SCHIP1: variants seen among roughly 807,000 people sequenced by gnomAD.
The protein encoded by SCHIP1 is schwannomin interacting protein 1.
SCHIP1 carries 8 observed loss-of-function variants against 29.7 expected under a neutral mutation model. That is an observed-to-expected ratio of 0.27 (90% CI 0.16 to 0.49). The LOEUF is 0.49. Ranked by LOEUF, SCHIP1 falls within the 20% of genes least tolerant of loss-of-function variation. SCHIP1 has a pLI of 0.99. For synonymous variants in SCHIP1, 76 were observed against 94.9 expected, an observed-to-expected ratio of 0.80 and a Z score of 1.16; for missense variants, 193 against 294.6, an observed-to-expected ratio of 0.66 and a Z score of 2.52.
the SCHIP1 span, among the ~76,000 whole-genome samples, chr3:159,793,216 AGTGTGTGTACTCTT>A: frequency 6.6e-6 from 1 of 152,112 alleles, no homozygotes; most frequent in Admixed American, 6.5e-5. Context: ...CCCTAGCATT[AGTGTGTGTACTCTT>A]GTGTGTGCAC....
the SCHIP1 span, among the ~76,000 whole-genome samples, chr3:159,728,004 T>G: frequency 3.5e-5 from 5 of 144,812 alleles, no homozygotes; most frequent in African/African-American, 1.0e-4. Context: ...CTGTTTTTGT[T>G]TTTTTTTTTT....
the SCHIP1 span, among the ~76,000 whole-genome samples, chr3:159,320,853 T>TA: frequency 3.3e-3 from 462 of 138,650 alleles, 2 homozygotes; most frequent in East Asian, 6.6e-3. Context: ...TTCTGTCATC[T>TA]AAAAAAAAAA....
the SCHIP1 span, among the ~76,000 whole-genome samples, chr3:159,548,519 C>G: frequency 6.6e-6 from 1 of 151,786 alleles, no homozygotes; most frequent in African/African-American, 2.4e-5. Flanking sequence ...CAATCTCTAT[C>G]TTCTTTTAGA....
At chr3:159,602,062 G>A in the SCHIP1 span, among the ~76,000 whole-genome samples, 1 of 152,182 alleles carries the variant, frequency 6.6e-6, no homozygotes, top group Non-Finnish European at 1.5e-5. Context: ...CCACCCATCT[G>A]GTATCAGGGA....
chr3:159,573,228 A>G, the SCHIP1 span, among the ~76,000 whole-genome samples: 2 of 152,286 alleles, frequency 1.3e-5, no homozygotes, highest in South Asian at 4.1e-4. Context: ...ACAATTTGGC[A>G]TGTTTTTGCA....
chr3:159,465,835 T>C, the SCHIP1 span, among the ~76,000 whole-genome samples: 1 of 152,236 alleles, frequency 6.6e-6, no homozygotes, highest in East Asian at 1.9e-4. Flanking sequence ...TATTGTGAAA[T>C]AGAAGATGAA....
chr3:159,595,269 A>G, the SCHIP1 span, among the ~76,000 whole-genome samples: 34 of 152,142 alleles, frequency 2.2e-4, no homozygotes, highest in Non-Finnish European at 2.6e-4. Flanking sequence ...CTATCAAATC[A>G]AGGAATTGGA....
At chr3:159,692,076 C>T in the SCHIP1 span, among the ~76,000 whole-genome samples, 7 of 136,998 alleles carry the variant, frequency 5.1e-5, no homozygotes, top group African/African-American at 1.4e-4. Context: ...GGCCGGACTG[C>T]GGACTGCAGT....
At chr3:159,443,661 A>G in the SCHIP1 span, among the ~76,000 whole-genome samples, 4,021 of 152,074 alleles carry the variant, frequency 0.026, 174 homozygotes, top group African/African-American at 0.092. Context: ...GGCACACACC[A>G]CCATGCCCAG....
chr3:159,609,215 T>A, the SCHIP1 span, among the ~76,000 whole-genome samples: 7 of 152,114 alleles, frequency 4.6e-5, no homozygotes, highest in Admixed American at 4.6e-4. Flanking sequence ...GCTATTCTAG[T>A]CGATCCTTTA....
At chr3:159,308,695 G>A in the SCHIP1 span, among the ~76,000 whole-genome samples, 8 of 152,078 alleles carry the variant, frequency 5.3e-5, no homozygotes, top group South Asian at 2.1e-4. Flanking sequence ...TCATTCTACC[G>A]AAAAGACATA....
chr3:159,848,094 A>G (rs759532209), intron 1 of SCHIP1, among the ~76,000 whole-genome samples: 3 of 152,196 alleles, frequency 2.0e-5, no homozygotes, highest in Non-Finnish European at 4.4e-5. Context: ...ATTTCCACCA[A>G]TGGCTGATAA....
At chr3:159,698,752 C>T in the SCHIP1 span, among the ~76,000 whole-genome samples, 6 of 152,124 alleles carry the variant, frequency 3.9e-5, no homozygotes, top group African/African-American at 1.4e-4. Context: ...AATTCTCGTG[C>T]TTCAGTCTCC....
the SCHIP1 span, among the ~76,000 whole-genome samples, chr3:159,493,634 C>A: frequency 2.0e-5 from 3 of 150,662 alleles, no homozygotes; most frequent in Non-Finnish European, 4.4e-5. Flanking sequence ...CAGACTTAGA[C>A]TCCCACACAA....
the SCHIP1 span, among the ~76,000 whole-genome samples, chr3:159,515,757 G>A: frequency 6.6e-6 from 1 of 152,098 alleles, no homozygotes; most frequent in Admixed American, 6.6e-5. Flanking sequence ...AATACACTTT[G>A]TTAGTTCACT....
At chr3:159,551,286 G>T in the SCHIP1 span, among the ~76,000 whole-genome samples, 934 of 152,240 alleles carry the variant, frequency 6.1e-3, 10 homozygotes, top group Non-Finnish European at 9.9e-3. Context: ...CTTTGACGAG[G>T]TTTACTTTTA....
the SCHIP1 span, among the ~76,000 whole-genome samples, chr3:159,770,400 C>T: frequency 6.6e-6 from 1 of 152,176 alleles, no homozygotes; most frequent in Non-Finnish European, 1.5e-5. Context: ...GCTGGGATTA[C>T]AGGCAGCCAC....
the SCHIP1 span, among the ~76,000 whole-genome samples, chr3:159,618,439 C>CTGTTTAGTTCACATA: frequency 0.052 from 7,921 of 152,190 alleles, 489 homozygotes; most frequent in East Asian, 0.17. Flanking sequence ...ATATGCTGAA[C>CTGTTTAGTTCACATA]TGTTTAGAAA....
upstream of SCHIP1, among the ~76,000 whole-genome samples, chr3:159,837,479 T>C (rs978587377): frequency 6.6e-6 from 1 of 152,150 alleles, no homozygotes; most frequent in Non-Finnish European, 1.5e-5. Flanking sequence ...TCCCAACACT[T>C]TGGTAGGCCA....
Sources: allele counts gnomAD v4.1 joint callset (sites outside exome capture counted in the v4.1 genomes callset), GRCh38; gene constraint gnomAD v4.1.1; transcripts MANE v1.5; gene names NCBI Gene and HGNC (gene_info 2026-07-23, HGNC 2026-07-21).